TP53BP2: variants seen among roughly 807,000 people sequenced by gnomAD.
The protein encoded by TP53BP2 is tumor protein p53 binding protein 2, also known as apoptosis-stimulating of p53 protein 2.
Under a neutral mutation model 126.2 loss-of-function variants are expected in TP53BP2, and 62 were observed. That is an observed-to-expected ratio of 0.49 (90% CI 0.40 to 0.61). The LOEUF is 0.61. Ranked by LOEUF, TP53BP2 falls within the 20% of genes least tolerant of loss-of-function variation. The probability of loss-of-function intolerance (pLI) is 0.00; values close to 1 mark genes in which losing one functional copy is unlikely to be tolerated. For missense variants in TP53BP2, 1,215 were observed against 1,402.8 expected (o/e 0.87, Z 2.14); for synonymous variants, 485 against 502.9 (o/e 0.96, Z 0.48).
At chr1:223,834,838 C>A (rs1457741202) in intron 1 of TP53BP2, 1 of 985,302 alleles carries the variant, frequency 1.0e-6, no homozygotes, top group Non-Finnish European at 1.2e-6. Context: ...TCACCTCCAG[C>A]CAGAAGTAAA....
intron 4 of TP53BP2, among the ~76,000 whole-genome samples, chr1:223,807,334 T>C (rs920778733): frequency 1.3e-5 from 2 of 152,174 alleles, no homozygotes; most frequent in African/African-American, 2.4e-5. Context: ...AATTTAGTCA[T>C]TGGAATATCA....
chr1:223,806,796 C>T (rs762723768), intron 5 of TP53BP2, 50 bp downstream of exon 5: 1 of 1,490,148 alleles, frequency 6.7e-7, no homozygotes, highest in Middle Eastern at 1.9e-4. Context: ...TGCACTCCAG[C>T]CTAGGCGACA....
rs1662063280 is a variant in TP53BP2, at chr1:223,789,021, G to A, written c.3150C>T (p.Ser1050=). The A allele has an allele frequency of 6.2e-7, 1 of 1,613,696 alleles. No homozygotes were observed. The highest frequency in any genetic ancestry group is 1.3e-5 in the African/African-American group (1 of 74,874). ...CTTGTCACATACCATAAAGAAATTG[G>A]GAGCACTGAGTGTAGCCTTCCTCCA... ...EEMEEGYTQC[S]QFLYGVQEKM... Residue 1050 remains serine (S), a synonymous_variant, in exon 16 of 18, where the codon TCC becomes TCT. Coordinates refer to ENST00000343537, the MANE Select transcript of TP53BP2 (RefSeq NM_001031685.3).
At chr1:223,795,647 G>C (rs1405238798) in intron 13 of TP53BP2, among the ~76,000 whole-genome samples, 168 bp downstream of exon 13, 1 of 152,060 alleles carries the variant, frequency 6.6e-6, no homozygotes, top group African/African-American at 2.4e-5. Context: ...ACAGAAAAAT[G>C]TTCTTTATAT....
At chr1:223,800,071 A>G in intron 10 of TP53BP2, 24 bp from the exon 11 acceptor site, 1 of 1,586,386 alleles carries the variant, frequency 6.3e-7, no homozygotes, top group Non-Finnish European at 8.6e-7. Flanking sequence ...AATCACAATG[A>G]CATTCAAACT....
At chr1:223,822,588 G>C (rs1266143125) in intron 1 of TP53BP2, among the ~76,000 whole-genome samples, 1 of 151,808 alleles carries the variant, frequency 6.6e-6, no homozygotes, top group Non-Finnish European at 1.5e-5. Flanking sequence ...AAGACTGCTT[G>C]AGTCCAGGAG....
At position 223,823,104 on chromosome 1, in the gene TP53BP2, G is replaced by C. The variant is rs576731271; in HGVS notation, c.28-1737C>G. 3.4e-3 allele frequency among the ~76,000 whole-genome samples: 525 copies of C among 152,248 alleles called. 5 individuals carry two copies. Among genetic ancestry groups the C allele is most frequent in the Non-Finnish European group, 6.2e-3 (421 of 67,994 alleles). ...TGGGAAAAGTTTGGGTTTTAAGACT[G>C]CAAAAAAGCAGAATAAGTAGGATAT... On this transcript the variant is annotated intron_variant, in intron 1 of 17. Transcript: ENST00000343537.
chr1:223,810,313 C>T (rs937965742), intron 4 of TP53BP2, 118 bp downstream of exon 4: 1 of 630,582 alleles, frequency 1.6e-6, no homozygotes, highest in Admixed American at 3.5e-5. Flanking sequence ...TTTAAAATAA[C>T]CTTTAAAAAG....
At chr1:223,784,030 T>A (rs1255748499) in intron 17 of TP53BP2, 85 bp downstream of exon 17, 1 of 1,180,802 alleles carries the variant, frequency 8.5e-7, no homozygotes. Context: ...GGCAGTTTGG[T>A]GCACTGTACA....
chr1:223,821,260 G>T lies in TP53BP2; in HGVS notation c.135C>A (p.Gly45=). 2 of 1,613,988 alleles carry T rather than the reference G, an allele frequency of 1.2e-6. No homozygotes were observed. The highest frequency in any genetic ancestry group is 1.7e-6 in the Non-Finnish European group (2 of 1,179,894). ...CTTCAGCCAAATGGCAATCACTCTC[G>T]CCGGGTTCTTTGCACAGATCCACCA... The part of the protein sequence containing the change: ...RDVVDLCKEP[G]ESDCHLAEVW... The change falls in exon 2 of 18, where the codon GGC becomes GGA. Residue 45 remains glycine (G), a synonymous_variant. Coordinates refer to ENST00000343537, the MANE Select transcript of TP53BP2 (RefSeq NM_001031685.3).
chr1:223,807,807 G>A (rs1256414116), intron 4 of TP53BP2, among the ~76,000 whole-genome samples: 1 of 152,084 alleles, frequency 6.6e-6, no homozygotes. Flanking sequence ...CAAATAAATG[G>A]AGAGTTACAC....
intron 1 of TP53BP2, among the ~76,000 whole-genome samples, chr1:223,831,396 TC>T (rs1479217306): frequency 8.6e-6 from 1 of 116,750 alleles, no homozygotes; most frequent in Non-Finnish European, 1.7e-5. Flanking sequence ...AGACGCTGTC[TC>T]CCAAAAAAAA....
At chr1:223,797,505 C>T (rs1271599711) in intron 12 of TP53BP2, among the ~76,000 whole-genome samples, 2 of 151,912 alleles carry the variant, frequency 1.3e-5, no homozygotes, top group Non-Finnish European at 2.9e-5. Context: ...CTCCGCCTCC[C>T]AGGTTCAAGC....
chr1:223,810,557 C>A, intron 3 of TP53BP2, 44 bp from the exon 4 acceptor site: 1 of 1,327,060 alleles, frequency 7.5e-7, no homozygotes, highest in Non-Finnish European at 1.0e-6. Context: ...CTAGAGTTGA[C>A]AGATATTTTA....
At chr1:223,784,089 A>G (rs1464515545) in intron 17 of TP53BP2, 26 bp downstream of exon 17, 8 of 1,609,758 alleles carry the variant, frequency 5.0e-6, no homozygotes, top group African/African-American at 1.3e-5. Context: ...ACATATGAAA[A>G]CACCGTAAGC....
chr1:223,831,660 A>G (rs1663735730), intron 1 of TP53BP2, among the ~76,000 whole-genome samples: 2 of 150,992 alleles, frequency 1.3e-5, no homozygotes, highest in Non-Finnish European at 3.0e-5. Flanking sequence ...CTGGGATAAA[A>G]GAACATGAAA....
chr1:223,798,113 G>A (rs567815652), intron 12 of TP53BP2, 102 bp downstream of exon 12: 43 of 1,150,598 alleles, frequency 3.7e-5, no homozygotes, highest in Middle Eastern at 6.0e-4. Flanking sequence ...AACCCTTAGC[G>A]TCAGTCAAAA....
chr1:223,793,425 A>C lies in TP53BP2; in HGVS notation c.2740T>G (p.Leu914Val). The change falls in exon 14 of 18, where the codon TTG becomes GTG. Residue 914 changes from leucine to valine, a missense_variant. Physicochemically the swap from Leu to Val is conservative, Grantham distance 32. Transcript: ENST00000343537. ...ATACGCTCTGAGCCAGTTTTACGCA[A>C]GTTTGTCCTTTTACCCTGCAAAGAA... ...VSLPPGKRTN[L>V]RKTGSERIAH... is the part of the protein sequence containing the mutation. 1 of 1,592,136 alleles carries C rather than the reference A, an allele frequency of 6.3e-7. No individual in the cohort carries two copies. Among genetic ancestry groups the C allele is most frequent in the South Asian group, 1.2e-5 (1 of 85,632 alleles).
rs114893997 is a variant in TP53BP2, at chr1:223,841,686, C to T, written c.27+3968G>A. ...CTTTGCAGTTATGCTCAGAAATATA[C>T]AAATCCTACTGATCAGGTGGTCAAA... On this transcript the variant is annotated intron_variant, in intron 1 of 17. Coordinates refer to ENST00000343537, the MANE Select transcript of TP53BP2 (RefSeq NM_001031685.3). Among the ~76,000 whole-genome samples the T allele has an allele frequency of 2.2e-3, 330 of 152,286 alleles. 1 individual carries two copies. The highest frequency in any genetic ancestry group is 7.5e-3 in the African/African-American group (310 of 41,534).
Sources: gnomAD v4.1 joint callset for allele counts (sites outside exome capture counted in the v4.1 genomes callset) on GRCh38, gnomAD v4.1.1 for gene constraint, MANE v1.5 for transcripts, NCBI Gene and HGNC (gene_info 2026-07-23, HGNC 2026-07-21) for gene names.